The following TASP1 variants were observed in gnomAD, a reference collection of about 807,000 sequenced individuals.
TASP1 encodes the protein taspase 1, also known as threonine aspartase 1.
A neutral mutation model predicts 56.6 loss-of-function variants in TASP1; 16 were observed. The observed-to-expected ratio is 0.28, with a 90% CI of 0.19 to 0.43. TASP1 has a LOEUF of 0.43. TASP1 is among the 20% of genes least tolerant of loss of function. The pLI is 1.00. For synonymous variants in TASP1, 179 were observed against 184.2 expected (o/e 0.97, Z 0.23); for missense variants, 393 against 511.6 (o/e 0.77, Z 2.24).
chr20:13,105,776 T>C, the TASP1 span, among the ~76,000 whole-genome samples: 7 of 152,168 alleles, frequency 4.6e-5, no homozygotes, highest in Non-Finnish European at 8.8e-5. Context: ...AAAACATTCT[T>C]AACAGGAATG....
chr20:13,603,144 T>A (rs1313569481), intron 4 of TASP1, among the ~76,000 whole-genome samples: 1 of 152,070 alleles, frequency 6.6e-6, no homozygotes, highest in Non-Finnish European at 1.5e-5. Flanking sequence ...GGCTAGAGAA[T>A]CGCTTGAACC....
intron 6 of TASP1, among the ~76,000 whole-genome samples, chr20:13,570,946 T>C (rs1276649390): frequency 6.6e-6 from 1 of 152,124 alleles, no homozygotes; most frequent in Non-Finnish European, 1.5e-5. Flanking sequence ...GAAGTTGAAG[T>C]AGTAAACTAC....
intron 10 of TASP1, among the ~76,000 whole-genome samples, chr20:13,517,775 A>G (rs934802934): frequency 8.5e-5 from 13 of 152,186 alleles, no homozygotes; most frequent in Non-Finnish European, 1.2e-4. Context: ...ACATAATTGC[A>G]TACCATCAGT....
At chr20:13,393,394 C>G in intron 13 of TASP1, 1 of 744,536 alleles carries the variant, frequency 1.3e-6, no homozygotes, top group Non-Finnish European at 2.4e-6. Context: ...GCCAATGTGT[C>G]AGTTATGGAC....
chr20:13,183,180 A>G, the TASP1 span, among the ~76,000 whole-genome samples: 1 of 152,338 alleles, frequency 6.6e-6, no homozygotes, highest in East Asian at 1.9e-4. Context: ...AAGTCATCCA[A>G]GCCAGAAGGC....
the TASP1 span, among the ~76,000 whole-genome samples, chr20:13,135,746 A>G: frequency 2.0e-5 from 3 of 152,260 alleles, no homozygotes; most frequent in African/African-American, 7.2e-5. Context: ...ACAGGCCAGT[A>G]CTTAAATTTG....
chr20:13,210,260 CAT>C, the TASP1 span, among the ~76,000 whole-genome samples: 911 of 152,216 alleles, frequency 6.0e-3, 5 homozygotes, highest in Admixed American at 0.023. Flanking sequence ...AAAATTGATA[CAT>C]GTTTGGATTG....
intron 10 of TASP1, among the ~76,000 whole-genome samples, chr20:13,507,626 A>G (rs2044179027): frequency 6.6e-6 from 1 of 152,202 alleles, no homozygotes; most frequent in Non-Finnish European, 1.5e-5. Flanking sequence ...CACGGACTGA[A>G]AGAATACTGT....
chr20:13,276,101 G>A, the TASP1 span, among the ~76,000 whole-genome samples: 1 of 152,214 alleles, frequency 6.6e-6, no homozygotes, highest in Non-Finnish European at 1.5e-5. Flanking sequence ...AGGAAGAAGG[G>A]GTAGAATAAT....
At chr20:13,199,093 G>A in the TASP1 span, among the ~76,000 whole-genome samples, 1 of 151,218 alleles carries the variant, frequency 6.6e-6, no homozygotes, top group Non-Finnish European at 1.5e-5. Context: ...TTTGGAGTTG[G>A]GGTCTTGCTC....
At chr20:13,392,803 G>C (rs1432997868) in intron 13 of TASP1, 1 of 628,204 alleles carries the variant, frequency 1.6e-6, no homozygotes, top group Non-Finnish European at 3.0e-6. Context: ...CAACTACATA[G>C]TCTACATGTT....
chr20:13,262,799 T>A, the TASP1 span, among the ~76,000 whole-genome samples: 33 of 152,276 alleles, frequency 2.2e-4, no homozygotes, highest in Non-Finnish European at 3.8e-4. Context: ...GGGTGGCCCC[T>A]CCACCTCAAA....
At chr20:13,134,851 T>C in the TASP1 span, among the ~76,000 whole-genome samples, 1 of 152,180 alleles carries the variant, frequency 6.6e-6, no homozygotes, top group African/African-American at 2.4e-5. Flanking sequence ...TTTGGATCCA[T>C]TTCTTTAAAT....
At chr20:13,226,427 A>G in the TASP1 span, among the ~76,000 whole-genome samples, 9 of 151,684 alleles carry the variant, frequency 5.9e-5, no homozygotes, top group African/African-American at 2.2e-4. Flanking sequence ...TTTTTTTTTA[A>G]TGATTGACAA....
chr20:13,233,366 C>T, the TASP1 span, among the ~76,000 whole-genome samples: 1 of 152,084 alleles, frequency 6.6e-6, no homozygotes, highest in East Asian at 1.9e-4. Flanking sequence ...GAGGCCAAGG[C>T]GGGTGGATCA....
intron 4 of TASP1, among the ~76,000 whole-genome samples, chr20:13,619,435 T>C (rs1447173522): frequency 2.0e-5 from 3 of 152,188 alleles, no homozygotes; most frequent in Non-Finnish European, 4.4e-5. Context: ...AAAACACCAA[T>C]GTGCAAAATG....
intron 6 of TASP1, among the ~76,000 whole-genome samples, chr20:13,572,440 T>C (rs896213613): frequency 1.3e-5 from 2 of 152,192 alleles, no homozygotes; most frequent in Admixed American, 1.3e-4. Flanking sequence ...TCCCAACACT[T>C]TGGGAGGCCG....
chr20:13,126,679 C>T, the TASP1 span: 1 of 1,613,954 alleles, frequency 6.2e-7, no homozygotes. Context: ...ATCATCAGAT[C>T]ACTAAAACTT....
At chr20:13,187,550 C>G in the TASP1 span, among the ~76,000 whole-genome samples, 1 of 151,720 alleles carries the variant, frequency 6.6e-6, no homozygotes, top group South Asian at 2.1e-4. Flanking sequence ...GAGATCAAGA[C>G]CATCCTGGCC....
Sources: allele counts gnomAD v4.1 joint callset (sites outside exome capture counted in the v4.1 genomes callset), GRCh38; gene constraint gnomAD v4.1.1; transcripts MANE v1.5; gene names NCBI Gene and HGNC (gene_info 2026-07-23, HGNC 2026-07-21).